HYDIN: variants seen among roughly 807,000 people sequenced by gnomAD.
HYDIN encodes HYDIN axonemal central pair apparatus protein.
HYDIN carries 132 observed loss-of-function variants against 403.9 expected under a neutral mutation model. The ratio of observed to expected loss-of-function variants is 0.33; its 90% CI spans 0.28 to 0.38. HYDIN has a LOEUF of 0.38. HYDIN is among the 10% of genes least tolerant of loss of function. HYDIN has a pLI of 1.00. For missense variants in HYDIN, 2,827 were observed against 5,009.5 expected (o/e 0.56, Z 13.15); for synonymous variants, 1,202 against 1,891.7 (o/e 0.64, Z 9.46).
chr16:71,177,087 G>T (rs1252942555), intron 4 of HYDIN, among the ~76,000 whole-genome samples: 1 of 152,182 alleles, frequency 6.6e-6, no homozygotes, highest in Non-Finnish European at 1.5e-5. Flanking sequence ...GGCGTTCCTA[G>T]GATGGGACCC....
chr16:71,018,927 T>G (rs2080366138), intron 22 of HYDIN, among the ~76,000 whole-genome samples: 4 of 127,430 alleles, frequency 3.1e-5, no homozygotes, highest in African/African-American at 5.6e-5. Flanking sequence ...GGGGGTGGGG[T>G]TGGGGGTGGG....
chr16:71,188,248 G>C (rs2087251872), intron 1 of HYDIN, among the ~76,000 whole-genome samples: 1 of 151,956 alleles, frequency 6.6e-6, no homozygotes, highest in Non-Finnish European at 1.5e-5. Flanking sequence ...TCCAACCTAG[G>C]CCTCCCAAGC....
chr16:70,881,973 G>A (rs1488640504), intron 60 of HYDIN, among the ~76,000 whole-genome samples: 1 of 152,178 alleles, frequency 6.6e-6, no homozygotes, highest in Non-Finnish European at 1.5e-5. Context: ...CTGTTCTGCT[G>A]TGAAAAAAAG....
At chr16:70,951,109 C>T (rs1355005299) in intron 41 of HYDIN, among the ~76,000 whole-genome samples, 1 of 152,084 alleles carries the variant, frequency 6.6e-6, no homozygotes, top group Non-Finnish European at 1.5e-5. Flanking sequence ...GTGGGACATA[C>T]CTGTAGTCCC....
At chr16:70,929,842 G>A (rs1597348473) in intron 45 of HYDIN, among the ~76,000 whole-genome samples, 2 of 146,734 alleles carry the variant, frequency 1.4e-5, no homozygotes, top group South Asian at 2.3e-4. Context: ...CAGAACTTTC[G>A]GGGGCTCTCA....
intron 19 of HYDIN, among the ~76,000 whole-genome samples, chr16:71,030,950 C>T (rs8049562): frequency 4.0e-5 from 6 of 151,762 alleles, no homozygotes; most frequent in South Asian, 2.1e-4. Flanking sequence ...CCTGTAATCC[C>T]AGCACTTTGG....
At chr16:71,037,935 T>C (rs2081148673) in intron 18 of HYDIN, among the ~76,000 whole-genome samples, 1 of 152,176 alleles carries the variant, frequency 6.6e-6, no homozygotes, top group Admixed American at 6.5e-5. Context: ...GCTATATTTG[T>C]GATAATTTGT....
chr16:70,840,303 G>C, intron 75 of HYDIN, 70 bp from the exon 76 acceptor site: 1 of 1,277,630 alleles, frequency 7.8e-7, no homozygotes, highest in South Asian at 1.3e-5. Flanking sequence ...AAGTCCTCAG[G>C]TGAAGCAGGA....
intron 14 of HYDIN, among the ~76,000 whole-genome samples, chr16:71,068,658 A>G (rs1231111900): frequency 6.6e-6 from 1 of 152,110 alleles, no homozygotes; most frequent in Non-Finnish European, 1.5e-5. Flanking sequence ...AAATAATTCC[A>G]CTGGTGGCAC....
At chr16:70,984,846 G>A (rs2079141589) in intron 28 of HYDIN, among the ~76,000 whole-genome samples, 1 of 151,160 alleles carries the variant, frequency 6.6e-6, no homozygotes, top group Non-Finnish European at 1.5e-5. Flanking sequence ...ACCTGCTGAA[G>A]TCAGTGGAGA....
chr16:70,894,918 T>C (rs1299047781), intron 54 of HYDIN, among the ~76,000 whole-genome samples: 5 of 152,126 alleles, frequency 3.3e-5, no homozygotes, highest in Non-Finnish European at 4.4e-5. Flanking sequence ...CCCAAATAAT[T>C]AAAAACTCCT....
rs544873245 is a variant in HYDIN at position 71,116,510 on chromosome 16, C to T, written c.1228-715G>A. Among the ~76,000 whole-genome samples the T allele has an allele frequency of 1.2e-3, 184 of 152,122 alleles. 1 individual carries two copies. Among genetic ancestry groups the T allele is most frequent in the African/African-American group, 4.2e-3 (174 of 41,508 alleles). ...GAACATGGGGGTGCAGAGCTCTCTT[C>T]GAGATCCTGATTTCATTTCCTTTGG... On this transcript the variant is annotated intron_variant, in intron 9 of 85. Coordinates refer to ENST00000393567, the MANE Select transcript of HYDIN (RefSeq NM_001270974.2).
Position 71,093,945 on chromosome 16 carries a change from C to T in HYDIN, c.1328-10G>A, listed in dbSNP as rs1230394874. ...AGACGGATTTCTCGGCCTAGAAAAA[C>T]AATTCAGACTTTATCATCCAAATGG... is the stretch of plus-strand genomic sequence containing the variant. On this transcript the variant is annotated splice_polypyrimidine_tract_variant and intron_variant, in intron 10 of 85. Transcript: ENST00000393567. 1 of 1,613,190 alleles carries T rather than the reference C, an allele frequency of 6.2e-7. No individual in the cohort carries two copies. Among genetic ancestry groups the T allele is most frequent in the Non-Finnish European group, 8.5e-7 (1 of 1,179,536 alleles).
intron 18 of HYDIN, among the ~76,000 whole-genome samples, chr16:71,052,487 G>A (rs2081691096): frequency 6.6e-6 from 1 of 151,138 alleles, no homozygotes; most frequent in South Asian, 2.1e-4. Context: ...AACTTAGCTG[G>A]ATTAAAGACA....
chr16:70,982,142 GA>G (rs147760690), intron 28 of HYDIN, among the ~76,000 whole-genome samples: 79 of 131,818 alleles, frequency 6.0e-4, no homozygotes, highest in Admixed American at 9.0e-4. Flanking sequence ...AAAAAAAAAA[GA>G]AAAAAAAAAG....
Position 70,824,491 on chromosome 16 carries a change from T to C in HYDIN, c.14427+2770A>G, listed in dbSNP as rs569738315. On this transcript the variant is annotated intron_variant, in intron 83 of 85. Coordinates refer to ENST00000393567, the MANE Select transcript of HYDIN (RefSeq NM_001270974.2). ...AAATTACCTATCAATTTAATTTTGA[T>C]TATTTGCTTATTATATCCTTGTACT... Among the ~76,000 whole-genome samples, 480 of 151,752 alleles carry C rather than the reference T, an allele frequency of 3.2e-3. 2 individuals are homozygous for C. The highest frequency in any genetic ancestry group is 0.011 in the African/African-American group (453 of 41,380).
chr16:71,043,599 T>A (rs1054733941), intron 18 of HYDIN, among the ~76,000 whole-genome samples: 2 of 151,950 alleles, frequency 1.3e-5, no homozygotes, highest in African/African-American at 4.8e-5. Context: ...TTTTAAAAAA[T>A]ATCATTCTGC....
intron 23 of HYDIN, among the ~76,000 whole-genome samples, chr16:71,017,138 G>A (rs1301353196): frequency 6.6e-6 from 1 of 150,988 alleles, no homozygotes; most frequent in Non-Finnish European, 1.5e-5. Flanking sequence ...TCAAGAGTTC[G>A]AGACCAGCCT....
chr16:70,922,271 G>A (rs956098017), intron 45 of HYDIN, among the ~76,000 whole-genome samples: 5 of 152,236 alleles, frequency 3.3e-5, no homozygotes, highest in Non-Finnish European at 5.9e-5. Context: ...ATTCCTTCAC[G>A]CTCTGCCAAG....
Sources: gnomAD v4.1 joint callset for allele counts (sites outside exome capture counted in the v4.1 genomes callset) on GRCh38, gnomAD v4.1.1 for gene constraint, MANE v1.5 for transcripts, NCBI Gene and HGNC (gene_info 2026-07-23, HGNC 2026-07-21) for gene names.